EVC: variants seen among roughly 807,000 people sequenced by gnomAD.
EVC encodes evC complex member EVC.
In EVC, 116 loss-of-function variants were observed where a neutral mutation model predicts 118.9. The ratio of observed to expected loss-of-function variants is 0.98; its 90% CI spans 0.84 to 1.14. EVC has a LOEUF of 1.14. Ranked by LOEUF, EVC falls within the 50% of genes most tolerant of loss-of-function variation. The pLI is 0.00. For synonymous variants in EVC, 619 were observed against 534.7 expected (o/e 1.16, Z -2.18); for missense variants, 1,401 against 1,246.4 (o/e 1.12, Z -1.87).
chr4:5,800,487 A>G (rs556539296), intron 15 of EVC, among the ~76,000 whole-genome samples: 14 of 152,308 alleles, frequency 9.2e-5, no homozygotes, highest in Non-Finnish European at 1.9e-4. Context: ...ACTGGCCAGA[A>G]AAAAACTGAG....
At chr4:5,750,669 C>A (rs1730210442) in intron 8 of EVC, among the ~76,000 whole-genome samples, 1 of 152,166 alleles carries the variant, frequency 6.6e-6, no homozygotes, top group Non-Finnish European at 1.5e-5. Flanking sequence ...GTGTTAAAGA[C>A]TTGGCAGTAT....
At chr4:5,824,913 A>G in the EVC span, 1 of 985,462 alleles carries the variant, frequency 1.0e-6, no homozygotes, top group South Asian at 4.7e-5. Context: ...AGGAGGGATC[A>G]GGTCAACATC....
chr4:5,756,715 T>A lies in EVC; in HGVS notation c.1563+353T>A, dbSNP rs983548010. On this transcript the variant is annotated intron_variant, in intron 11 of 20. Coordinates refer to ENST00000264956, the MANE Select transcript of EVC (RefSeq NM_153717.3). The surrounding 1 kb of genome is among the most constrained non-coding windows in gnomAD (Gnocchi z 4.2). ...TGTAAAGTGGTGATGAAGAAGGGGTTCTGGGCTGAAATGGGGACGTCAGAG... is the reference window on the plus strand; with the variant it reads ...TGTAAAGTGGTGATGAAGAAGGGGTACTGGGCTGAAATGGGGACGTCAGAG... 6.6e-6 allele frequency among the ~76,000 whole-genome samples: 1 copy of A among 152,158 alleles called. No homozygotes were observed. The highest frequency in any genetic ancestry group is 2.4e-5 in the African/African-American group (1 of 41,430).
At chr4:5,817,171 G>C (rs1452876117), downstream of EVC, among the ~76,000 whole-genome samples, 1 of 152,202 alleles carries the variant, frequency 6.6e-6, no homozygotes, top group South Asian at 2.1e-4. Context: ...TATGAAACTG[G>C]AGTCATGGAG....
chr4:5,808,900 G>A (rs1222785468), intron 18 of EVC, among the ~76,000 whole-genome samples: 2 of 152,186 alleles, frequency 1.3e-5, no homozygotes, highest in South Asian at 2.1e-4. Context: ...CAGAGTGTTG[G>A]CCCTTTCAGA....
chr4:5,748,935 G>T (rs1301291558), intron 8 of EVC, among the ~76,000 whole-genome samples: 1 of 110,450 alleles, frequency 9.1e-6, no homozygotes, highest in Non-Finnish European at 2.3e-5. Context: ...GGCCCCAGAT[G>T]GGTCTCCATC....
intron 15 of EVC, among the ~76,000 whole-genome samples, chr4:5,801,154 G>GGTA (rs1173129864): frequency 1.3e-5 from 2 of 152,186 alleles, no homozygotes; most frequent in Non-Finnish European, 2.9e-5. Context: ...AGAAATAGAA[G>GGTA]TTACCCCATA....
In EVC at chr4:5,731,676, G is replaced by A. The variant is rs955803429; in HGVS notation, c.617+19G>A. 21 of 1,604,338 alleles carry A rather than the reference G, an allele frequency of 1.3e-5. No individual in the cohort carries two copies. The highest frequency in any genetic ancestry group is 1.8e-5 in the Non-Finnish European group (21 of 1,173,242). ...GCGAGAGGTAAGGAGAGCGGGCAAT[G>A]GAGGATGAGGCTTCCAGTCCTCTTG... On this transcript the variant is annotated intron_variant, in intron 4 of 20. Coordinates refer to ENST00000264956, the MANE Select transcript of EVC (RefSeq NM_153717.3). The surrounding 1 kb of genome is among the most constrained non-coding windows in gnomAD (Gnocchi z 5.6).
intron 13 of EVC, 67 bp downstream of exon 13, chr4:5,793,784 C>T: frequency 7.9e-7 from 1 of 1,269,502 alleles, no homozygotes; most frequent in Non-Finnish European, 1.1e-6. Flanking sequence ...GCCTCAGTGT[C>T]CTCATCTGTA....
At chr4:5,796,086 G>T (rs920783273) in intron 13 of EVC, among the ~76,000 whole-genome samples, 1 of 152,032 alleles carries the variant, frequency 6.6e-6, no homozygotes, top group African/African-American at 2.4e-5. Flanking sequence ...ATTTTATCAG[G>T]TGCTAAACCC....
At chr4:5,712,135 C>T (rs541608955) in intron 1 of EVC, among the ~76,000 whole-genome samples, 1 of 152,306 alleles carries the variant, frequency 6.6e-6, no homozygotes, top group South Asian at 2.1e-4. Flanking sequence ...TGCAAGTTTG[C>T]AAGTAAACTA....
chr4:5,822,502 G>A, the EVC span, among the ~76,000 whole-genome samples: 1 of 149,618 alleles, frequency 6.7e-6, no homozygotes, highest in Non-Finnish European at 1.5e-5. Context: ...AAGGGGGGGG[G>A]GGTGGTGTGC....
At chr4:5,741,926 T>A (rs1464198102) in intron 6 of EVC, 112 bp downstream of exon 6, 1 of 590,702 alleles carries the variant, frequency 1.7e-6, no homozygotes, top group African/African-American at 1.9e-5. Context: ...TATTACAATA[T>A]ATACTTTTCA....
At chr4:5,752,624 C>A in intron 8 of EVC, 1 of 638,104 alleles carries the variant, frequency 1.6e-6, no homozygotes, top group Admixed American at 2.4e-5. Flanking sequence ...CGTCAGCCTC[C>A]CCGCACCCTA....
At chr4:5,759,683 A>C (rs1254871371) in intron 11 of EVC, among the ~76,000 whole-genome samples, 1 of 152,250 alleles carries the variant, frequency 6.6e-6, no homozygotes, top group Non-Finnish European at 1.5e-5. Context: ...CCAGGCTGAC[A>C]GCCTGAGTAA....
In EVC at chr4:5,741,821, C is replaced by T. The variant is rs769425038; in HGVS notation, c.801+7C>T. On this transcript the variant is annotated splice_region_variant and intron_variant, in intron 6 of 20. Coordinates refer to ENST00000264956, the MANE Select transcript of EVC (RefSeq NM_153717.3). ...CCTTTCAAAACAAGAAAAAGTAAGT[C>T]TTCAACCTATGTTTCAAGGTAACTT... is the stretch of plus-strand genomic sequence containing the variant. 1.5e-6 allele frequency: 2 copies of T among 1,375,744 alleles called. No homozygotes were observed. The highest frequency in any genetic ancestry group is 2.1e-6 in the Non-Finnish European group (2 of 966,128). The allele number at this position is 1,375,744 out of a possible 1,614,324, so 85.2% of individuals were successfully genotyped here.
At chr4:5,772,134 G>T (rs192355385) in intron 11 of EVC, among the ~76,000 whole-genome samples, 8 of 152,210 alleles carry the variant, frequency 5.3e-5, no homozygotes, top group African/African-American at 7.2e-5. Context: ...CTGACTTCGC[G>T]ATCCGCCCGC....
rs1553860016 is a variant in EVC at position 5,715,740 on chromosome 4, C to CCTTTTTTTTTTTTT, written c.175-3508_175-3507insCTTTTTTTTTTTTT. 5.6e-5 allele frequency among the ~76,000 whole-genome samples: 4 copies of CCTTTTTTTTTTTTT among 70,992 alleles called. 2 individuals carry two copies. The highest frequency in any genetic ancestry group is 1.2e-4 in the Non-Finnish European group (4 of 33,134). The allele number at this position is 70,992 out of a possible 152,430, so 46.6% of individuals were successfully genotyped here. ...AATTTCGAAGGCATTTTTCCATTGTCTTTTTTTTTTTTTTTTTTTTTGAGA... is the reference window on the plus strand; with the variant it reads ...AATTTCGAAGGCATTTTTCCATTGTCCTTTTTTTTTTTTTTTTTTTTTTTTTTTTTTTTTTGAGA... On this transcript the variant is annotated intron_variant, in intron 1 of 20. Coordinates refer to ENST00000264956, the MANE Select transcript of EVC (RefSeq NM_153717.3).
At chr4:5,796,358 A>G (rs1042257529) in intron 13 of EVC, among the ~76,000 whole-genome samples, 1 of 152,170 alleles carries the variant, frequency 6.6e-6, no homozygotes, top group Non-Finnish European at 1.5e-5. Context: ...ACCACTAAGC[A>G]TGAGAAATTG....
Sources: allele counts gnomAD v4.1 joint callset (sites outside exome capture counted in the v4.1 genomes callset), GRCh38; gene constraint gnomAD v4.1.1; non-coding constraint Gnocchi (gnomAD v3.1); transcripts MANE v1.5; gene names NCBI Gene and HGNC (gene_info 2026-07-23, HGNC 2026-07-21).